Variants in TLN2 observed in about 807,000 individuals in gnomAD.
TLN2 encodes the protein talin-2.
Under a neutral mutation model 294.7 loss-of-function variants are expected in TLN2, and 118 were observed. That is an observed-to-expected ratio of 0.40 (90% CI 0.34 to 0.47). The LOEUF (loss-of-function observed/expected upper bound fraction) is 0.47, where lower values mean the gene tolerates loss of function less well. TLN2 is among the 20% of genes least tolerant of loss of function. TLN2 has a pLI of 0.84. For missense variants in TLN2, 3,083 were observed against 3,282.2 expected (o/e 0.94, Z 1.48); for synonymous variants, 1,431 against 1,304.5 (o/e 1.10, Z -2.09).
At chr15:62,475,737 G>T (rs1053878474) in intron 1 of TLN2, among the ~76,000 whole-genome samples, 1 of 152,164 alleles carries the variant, frequency 6.6e-6, no homozygotes, top group African/African-American at 2.4e-5. Flanking sequence ...CGAAAACCAG[G>T]AGTTTCAGTT....
intron 1 of TLN2, among the ~76,000 whole-genome samples, chr15:62,574,220 G>A (rs1279011475): frequency 6.6e-6 from 1 of 151,644 alleles, no homozygotes; most frequent in Non-Finnish European, 1.5e-5. Flanking sequence ...CTGATGCTTA[G>A]TAATGGGCTC....
intron 38 of TLN2, 49 bp from the exon 39 acceptor site, chr15:62,762,223 C>T: frequency 6.2e-7 from 1 of 1,602,606 alleles, no homozygotes; most frequent in Non-Finnish European, 8.5e-7. Flanking sequence ...CCACGTCATT[C>T]ACTCATGTCT....
chr15:62,689,333 G>A (rs2057576973), intron 12 of TLN2, among the ~76,000 whole-genome samples: 1 of 152,072 alleles, frequency 6.6e-6, no homozygotes, highest in East Asian at 1.9e-4. Context: ...TATTTTTTCA[G>A]TATACACATA....
chr15:62,844,322 C>A lies in TLN2; in HGVS notation c.*3712C>A, dbSNP rs939328200. 6.6e-6 allele frequency: 1 copy of A among 151,932 alleles called. No individual in the cohort carries two copies. Among genetic ancestry groups the A allele is most frequent in the East Asian group, 1.9e-4 (1 of 5,162 alleles). 9.4% of individuals were successfully genotyped at this position (151,932 alleles called of 1,614,324 possible). A position where few individuals can be genotyped will look rare whatever the true frequency, so the allele number is the denominator to read the frequency against. On this transcript the variant is annotated 3_prime_UTR_variant, in exon 59 of 59. Coordinates refer to ENST00000636159, the MANE Select transcript of TLN2 (RefSeq NM_015059.3). The stretch of plus-strand genomic sequence containing the variant: ...AGTGTGTGCAGAGTTTGGGTTGATT[C>A]TTTTAAATGCTACAAACAAGAGCTA...
rs995258302 is a variant in TLN2 at position 62,805,782 on chromosome 15, C to T, written c.6660C>T (p.Cys2220=). 1.2e-6 allele frequency: 2 copies of T among 1,612,662 alleles called. No homozygotes were observed. The highest frequency in any genetic ancestry group is 1.1e-5 in the South Asian group (1 of 90,908). The change falls in exon 51 of 59, where the codon TGC becomes TGT. Residue 2220 remains cysteine (C), a synonymous_variant. Coordinates refer to ENST00000636159, the MANE Select transcript of TLN2 (RefSeq NM_015059.3). ...RKAVSDMLTA[C]KQASFHPDVS... ...CCGTGTCAGATATGTTGACGGCTTG[C>T]AAGGTAAAGAGCTTGGCATGGTTTT...
chr15:62,636,339 T>C (rs994025889), intron 3 of TLN2, among the ~76,000 whole-genome samples: 5 of 151,818 alleles, frequency 3.3e-5, no homozygotes, highest in Non-Finnish European at 5.9e-5. Flanking sequence ...TTGGAATGAG[T>C]GGTGGTAGAA....
chr15:62,696,470 G>T (rs753306869), intron 14 of TLN2, among the ~76,000 whole-genome samples: 2 of 152,206 alleles, frequency 1.3e-5, no homozygotes, highest in Non-Finnish European at 2.9e-5. Context: ...ACTTTGGGAG[G>T]CTGAGGCGGG....
intron 1 of TLN2, among the ~76,000 whole-genome samples, chr15:62,469,697 A>G (rs2037359343): frequency 6.6e-6 from 1 of 152,220 alleles, no homozygotes; most frequent in Non-Finnish European, 1.5e-5. Flanking sequence ...AGCACCCTTA[A>G]AGCACTAACA....
At chr15:62,520,755 T>G (rs563497682) in intron 1 of TLN2, among the ~76,000 whole-genome samples, 10 of 152,334 alleles carry the variant, frequency 6.6e-5, no homozygotes, top group African/African-American at 2.2e-4. Flanking sequence ...TTTATTTTTT[T>G]AAAGTGTATA....
chr15:62,428,104 TC>T (rs1188312586), intron 1 of TLN2, among the ~76,000 whole-genome samples: 1 of 152,194 alleles, frequency 6.6e-6, no homozygotes, highest in Admixed American at 6.5e-5. Flanking sequence ...GTCTTGGGTT[TC>T]ACAGTCCCAA....
intron 42 of TLN2, 92 bp from the exon 43 acceptor site, chr15:62,776,672 A>G (rs2063739916): frequency 1.7e-6 from 2 of 1,201,370 alleles, no homozygotes; most frequent in Non-Finnish European, 2.1e-6. Flanking sequence ...TTGTGGGGGT[A>G]TGGTTTTATA....
intron 1 of TLN2, among the ~76,000 whole-genome samples, chr15:62,415,351 A>G (rs776904380): frequency 7.1e-6 from 1 of 141,808 alleles, no homozygotes; most frequent in Non-Finnish European, 1.5e-5. Context: ...AGACATGGAT[A>G]TGGATGTTTT....
At position 62,657,819 on chromosome 15, in the gene TLN2, G is replaced by A; in HGVS notation, c.709G>A (p.Ala237Thr). ...CTCTCACCCTGTCTCCTTCGAGAAA[G>A]CTTGTGAGTTTGGTGGATTTCAAGC... is the stretch of plus-strand genomic sequence containing the variant. ...NGSHPVSFEK[A>T]CEFGGFQAQI... Residue 237 changes from alanine to threonine, a missense_variant, in exon 9 of 59, where the codon GCT (alanine) becomes ACT (threonine). Coordinates refer to ENST00000636159, the MANE Select transcript of TLN2 (RefSeq NM_015059.3). 1 of 1,613,944 alleles carries A rather than the reference G, an allele frequency of 6.2e-7. No homozygotes were observed. The highest frequency in any genetic ancestry group is 8.5e-7 in the Non-Finnish European group (1 of 1,179,956).
chr15:62,760,802 T>C (rs181182179), intron 37 of TLN2, among the ~76,000 whole-genome samples: 125 of 152,276 alleles, frequency 8.2e-4, no homozygotes, highest in Non-Finnish European at 1.2e-3. Flanking sequence ...TTTTTTGTTT[T>C]TGTTTTTTTT....
intron 1 of TLN2, among the ~76,000 whole-genome samples, chr15:62,482,498 AGG>A (rs113322828): frequency 7.0e-6 from 1 of 143,790 alleles, no homozygotes; most frequent in Admixed American, 7.2e-5. Context: ...GCTACTCAGG[AGG>A]GGGGAGGCAG....
At chr15:62,673,967 A>G in intron 10 of TLN2, 77 bp downstream of exon 10, 1 of 1,177,560 alleles carries the variant, frequency 8.5e-7, no homozygotes, top group Non-Finnish European at 1.2e-6. Flanking sequence ...GCCTCTGCGC[A>G]TGGTAGTTTT....
At chr15:62,427,498 A>AG (rs975856033) in intron 1 of TLN2, among the ~76,000 whole-genome samples, 13 of 151,866 alleles carry the variant, frequency 8.6e-5, no homozygotes, top group African/African-American at 2.9e-4. Flanking sequence ...CAACGGGAGG[A>AG]GGGGGCGAGG....
intron 54 of TLN2, chr15:62,829,250 C>T (rs929745787): frequency 1.3e-5 from 2 of 151,378 alleles, no homozygotes; most frequent in Non-Finnish European, 2.9e-5. Context: ...TATAGACATA[C>T]CCAGGACTGG....
intron 43 of TLN2, among the ~76,000 whole-genome samples, chr15:62,780,092 G>A (rs144985567): frequency 9.9e-4 from 151 of 152,280 alleles, no homozygotes; most frequent in African/African-American, 3.5e-3. Context: ...TGATTTCAAG[G>A]TTTTCCATAA....
Sources: gnomAD v4.1 joint callset for allele counts (sites outside exome capture counted in the v4.1 genomes callset) on GRCh38, gnomAD v4.1.1 for gene constraint, MANE v1.5 for transcripts, NCBI Gene and HGNC (gene_info 2026-07-23, HGNC 2026-07-21) for gene names.